The following ZC3H12B variants were observed in gnomAD, a reference collection of about 807,000 sequenced individuals.
ZC3H12B encodes the protein probable ribonuclease ZC3H12B.
Under a neutral mutation model 43.9 loss-of-function variants are expected in ZC3H12B, and 7 were observed. The observed-to-expected ratio is 0.16, with a 90% CI of 0.09 to 0.30. ZC3H12B has a LOEUF of 0.30. Among genes scored for constraint, ZC3H12B ranks in the 10% least tolerant of loss-of-function variants. The probability of loss-of-function intolerance (pLI) is 1.00; values close to 1 mark genes in which losing one functional copy is unlikely to be tolerated. For synonymous variants in ZC3H12B, 222 were observed against 241.7 expected (o/e 0.92, Z 0.76); for missense variants, 475 against 670.2 (o/e 0.71, Z 3.22).
intron 3 of ZC3H12B, among the ~76,000 whole-genome samples, chrX:65,475,518 C>A (rs959003273): frequency 9.0e-6 from 1 of 111,092 alleles, no homozygotes; most frequent in Admixed American, 9.6e-5. Flanking sequence ...GAGAAATCCA[C>A]TGATAGTCTT....
chrX:65,404,973 T>C (rs1176570929), intron 3 of ZC3H12B, among the ~76,000 whole-genome samples: 3 of 112,340 alleles, frequency 2.7e-5, no homozygotes, highest in Non-Finnish European at 3.8e-5. Flanking sequence ...TCTGAAAACA[T>C]TCAACAAAAT....
chrX:65,226,912 G>C, the ZC3H12B span, among the ~76,000 whole-genome samples: 1 of 111,040 alleles, frequency 9.0e-6, no homozygotes, highest in Non-Finnish European at 1.9e-5. Context: ...AAGAGACTTA[G>C]ACTCCCACAC....
chrX:65,459,762 G>A (rs2067704964), intron 3 of ZC3H12B, among the ~76,000 whole-genome samples: 1 of 111,539 alleles, frequency 9.0e-6, no homozygotes, highest in Admixed American at 9.6e-5. Context: ...TACTGAATGG[G>A]CAAAAACTGG....
the ZC3H12B span, among the ~76,000 whole-genome samples, chrX:65,125,582 C>T: frequency 9.0e-6 from 1 of 111,059 alleles, no homozygotes; most frequent in Non-Finnish European, 1.9e-5. Context: ...ATATTAAAGT[C>T]CCCCATTATT....
chrX:65,227,125 GTT>G, the ZC3H12B span, among the ~76,000 whole-genome samples: 48 of 111,279 alleles, frequency 4.3e-4, no homozygotes, highest in African/African-American at 1.6e-3. Context: ...TGACCACATA[GTT>G]GGAAGTAAAG....
chrX:65,110,717 C>A, the ZC3H12B span, among the ~76,000 whole-genome samples: 1 of 111,408 alleles, frequency 9.0e-6, no homozygotes, highest in African/African-American at 3.2e-5. Context: ...GTTTTAGTTT[C>A]TTTATCTTTC....
chrX:65,340,630 A>T, the ZC3H12B span, among the ~76,000 whole-genome samples: 1 of 112,015 alleles, frequency 8.9e-6, no homozygotes, highest in Admixed American at 9.5e-5. Flanking sequence ...GAAATGAAAC[A>T]AATCAACTGA....
intron 2 of ZC3H12B, among the ~76,000 whole-genome samples, chrX:65,392,372 C>T (rs768904785): frequency 6.3e-5 from 7 of 111,378 alleles, no homozygotes; most frequent in Non-Finnish European, 1.1e-4. Flanking sequence ...CACCTCTGCC[C>T]GGCCGCAACC....
the ZC3H12B span, among the ~76,000 whole-genome samples, chrX:65,205,484 A>G: frequency 8.9e-6 from 1 of 112,005 alleles, no homozygotes; most frequent in Non-Finnish European, 1.9e-5. Context: ...AGTATCCTTT[A>G]TGATTAAAAC....
the ZC3H12B span, among the ~76,000 whole-genome samples, chrX:65,235,675 A>G: frequency 9.0e-6 from 1 of 111,328 alleles, no homozygotes; most frequent in Admixed American, 9.5e-5. Flanking sequence ...GCCTGTATCT[A>G]TATCAGGGAA....
the ZC3H12B span, among the ~76,000 whole-genome samples, chrX:65,307,425 C>T: frequency 1.8e-5 from 2 of 111,483 alleles, no homozygotes; most frequent in East Asian, 5.6e-4. Flanking sequence ...AAAATATAAA[C>T]GTTATGTACA....
chrX:65,254,137 C>T, the ZC3H12B span, among the ~76,000 whole-genome samples: 1 of 112,182 alleles, frequency 8.9e-6, no homozygotes, highest in South Asian at 3.7e-4. Context: ...TGCCAGCACT[C>T]CACCCCCCCA....
chrX:65,458,085 T>TAAAAAAAAAAAA (rs59738258), intron 3 of ZC3H12B, among the ~76,000 whole-genome samples: 10 of 49,066 alleles, frequency 2.0e-4, no homozygotes, highest in East Asian at 5.4e-4. Context: ...AAAAAAAAAT[T>TAAAAAAAAAAAA]AAAAAAAAAA....
the ZC3H12B span, among the ~76,000 whole-genome samples, chrX:65,050,214 C>A: frequency 1.8e-5 from 2 of 110,682 alleles, no homozygotes; most frequent in East Asian, 5.7e-4. Flanking sequence ...ATTGTTAATA[C>A]CTAGTCTATG....
At chrX:65,347,858 T>C in the ZC3H12B span, among the ~76,000 whole-genome samples, 1 of 112,239 alleles carries the variant, frequency 8.9e-6, no homozygotes, top group Non-Finnish European at 1.9e-5. Flanking sequence ...AATGATAGAC[T>C]GGATTAAGAA....
In ZC3H12B at chrX:65,452,492, A is replaced by G. The variant is rs761558636; in HGVS notation, n.408-36154A>G. Among the ~76,000 whole-genome samples, 8 of 111,261 alleles carry G rather than the reference A, an allele frequency of 7.2e-5. No individual in the cohort carries two copies. The South Asian group carries it at 3.0e-3, about 42-fold the overall frequency. ...CTAACCAAAGAGGTGATAGACCTCT[A>G]CAAGGAAAACTACAAAACACTGCTG... On this transcript the variant is annotated intron_variant and non_coding_transcript_variant, in intron 3 of 5. Coordinates refer to the ZC3H12B transcript ENST00000617377.
rs755603419 is a variant in ZC3H12B, at chrX:65,495,711, C to T, written c.609-1421C>T. ...AGCCAAACAAGGCACAAATCTAGTG[C>T]ATCTTTTCCCAATTTATCTGCAAAT... On this transcript the variant is annotated intron_variant, in intron 1 of 4. Coordinates refer to ENST00000338957, the Ensembl canonical transcript of ZC3H12B. Among the ~76,000 whole-genome samples the T allele has an allele frequency of 1.2e-3, 129 of 111,985 alleles. 1 individual carries two copies. Among genetic ancestry groups the T allele is most frequent in the Non-Finnish European group, 2.0e-3 (109 of 53,266 alleles).
At chrX:65,479,183 C>T (rs1325925793) in intron 3 of ZC3H12B, among the ~76,000 whole-genome samples, 3 of 111,140 alleles carry the variant, frequency 2.7e-5, no homozygotes, top group Non-Finnish European at 5.6e-5. Context: ...CCTCTGTTCA[C>T]TTCTAGGCTG....
At chrX:65,403,802 C>T (rs1374227712) in intron 3 of ZC3H12B, among the ~76,000 whole-genome samples, 1 of 111,559 alleles carries the variant, frequency 9.0e-6, no homozygotes, top group Non-Finnish European at 1.9e-5. Context: ...CATAAGAGAC[C>T]TGTCCTATGG....
Sources: gnomAD v4.1 joint callset for allele counts (sites outside exome capture counted in the v4.1 genomes callset) on GRCh38, gnomAD v4.1.1 for gene constraint, MANE v1.5 for transcripts, NCBI Gene and HGNC (gene_info 2026-07-23, HGNC 2026-07-21) for gene names.